Variants in PTK6 observed in about 807,000 individuals in gnomAD.
PTK6 encodes protein-tyrosine kinase 6.
A neutral mutation model predicts 47.5 loss-of-function variants in PTK6; 47 were observed. The observed-to-expected ratio is 0.99, with a 90% CI of 0.78 to 1.26. The LOEUF is 1.26. Ranked by LOEUF, PTK6 falls within the 50% of genes most tolerant of loss-of-function variation. PTK6 has a pLI of 0.00. For synonymous variants in PTK6, 287 were observed against 276.5 expected (o/e 1.04, Z -0.38); for missense variants, 618 against 625.3 (o/e 0.99, Z 0.12).
At chr20:63,537,041 G>C (rs201445395) in intron 1 of PTK6, 44 bp downstream of exon 1, 7 of 1,552,002 alleles carry the variant, frequency 4.5e-6, no homozygotes, top group Non-Finnish European at 6.1e-6. Context: ...CCTGTGCCTA[G>C]AGGGTGGCCT....
Position 63,534,318 on chromosome 20 carries a change from G to A in PTK6, c.353-3C>T, listed in dbSNP as rs942762870. On this transcript the variant is annotated splice_region_variant and splice_polypyrimidine_tract_variant and intron_variant, in intron 2 of 7. Coordinates refer to ENST00000542869, the MANE Select transcript of PTK6 (RefSeq NM_005975.4). ...CCGCACAGCCTGCGTGTCCCGCACT[G>A]GGAGGGAGAGCGTGAGCTGTGTGGC... The A allele has an allele frequency of 8.1e-6, 13 of 1,596,222 alleles. No homozygotes were observed. The Middle Eastern group carries it at 5.0e-4, about 61-fold the overall frequency.
At position 63,530,376 on chromosome 20, in the gene PTK6, G is replaced by A. The variant is rs967675284; in HGVS notation, c.1015-145C>T. ...ACCCACGCACGGCCGCTGCAGCTAA[G>A]GCCACACTGGGGCCTGACCACCTTC... is the stretch of plus-strand genomic sequence containing the variant. On this transcript the variant is annotated intron_variant, in intron 6 of 7. Coordinates refer to ENST00000542869, the MANE Select transcript of PTK6 (RefSeq NM_005975.4). The surrounding 1 kb of genome is among the most constrained non-coding windows in gnomAD (Gnocchi z 4.1). 2.2e-5 allele frequency: 24 copies of A among 1,086,156 alleles called. No homozygotes were observed. The Middle Eastern group carries it at 1.2e-3, about 53-fold the overall frequency. The allele number at this position is 1,086,156 out of a possible 1,614,324, so 67.3% of individuals were successfully genotyped here.
rs1569011663 is a variant in PTK6, at chr20:63,532,626, G to T, written c.732C>A (p.His244Gln). ...SEIQAMKKLR[H>Q]KHILALYAVV... ...CGGCGTACAGCGCCAGGATGTGTTT[G>T]TGCCGCAGCTTCTTCATGGCCTGGA... The change falls in exon 5 of 8, where the codon CAC (histidine) becomes CAA (glutamine). Residue 244 changes from histidine to glutamine, a missense_variant. Transcript: ENST00000542869. 3 of 1,614,012 alleles carry T rather than the reference G, an allele frequency of 1.9e-6. No homozygotes were observed. Among genetic ancestry groups the T allele is most frequent in the South Asian group, 1.1e-5 (1 of 91,096 alleles).
intron 5 of PTK6, among the ~76,000 whole-genome samples, chr20:63,531,456 AT>A (rs1392591738): frequency 0.01 from 1,292 of 125,300 alleles, 130 homozygotes; most frequent in African/African-American, 0.035. Context: ...ATATATATAT[AT>A]ATATATAATT....
At chr20:63,536,294 C>G (rs1484204570) in intron 1 of PTK6, among the ~76,000 whole-genome samples, 1 of 143,178 alleles carries the variant, frequency 7.0e-6, no homozygotes, top group Non-Finnish European at 1.5e-5. Context: ...CACCCCTGCT[C>G]ACTAACGAGG....
intron 1 of PTK6, among the ~76,000 whole-genome samples, chr20:63,536,469 C>G (rs903173458): frequency 1.3e-5 from 2 of 150,982 alleles, no homozygotes; most frequent in African/African-American, 2.4e-5. Context: ...CGCACACACA[C>G]AGTGGGTGCC....
At position 63,529,986 on chromosome 20, in the gene PTK6, G is replaced by T. The variant is rs752090830; in HGVS notation, c.1168+92C>A. ...TGGCCCGCGGAGGGCCCTGAAGCCC[G>T]TGGGGGAGGCACCCCCCAGCGTCCC... On this transcript the variant is annotated intron_variant, in intron 7 of 7. Transcript: ENST00000542869. This position sits in a 1 kb window ranked among gnomAD's most constrained non-coding sequence, Gnocchi z 5.6. 3 of 1,477,148 alleles carry T rather than the reference G, an allele frequency of 2.0e-6. No homozygotes were observed. Among genetic ancestry groups the T allele is most frequent in the Admixed American group, 1.8e-5 (1 of 55,140 alleles). The allele number at this position is 1,477,148 out of a possible 1,614,324, so 91.5% of individuals were successfully genotyped here.
chr20:63,532,734 G>A, intron 4 of PTK6, 47 bp from the exon 5 acceptor site: 3 of 1,595,592 alleles, frequency 1.9e-6, no homozygotes, highest in South Asian at 2.2e-5. Flanking sequence ...GACCCCCCAG[G>A]CCCCAAGGAA....
chr20:63,531,640 C>T (rs2082622585), intron 5 of PTK6, among the ~76,000 whole-genome samples: 1 of 149,726 alleles, frequency 6.7e-6, no homozygotes, highest in Middle Eastern at 3.3e-3. Flanking sequence ...AACCAAGGAG[C>T]AGTTCCTAGT....
rs753183901 is a variant in PTK6, at chr20:63,533,719, G to A, written c.517-15C>T. 35 of 1,607,566 alleles carry A rather than the reference G, an allele frequency of 2.2e-5. No individual in the cohort carries two copies. The highest frequency in any genetic ancestry group is 2.5e-5 in the Non-Finnish European group (30 of 1,177,160). On this transcript the variant is annotated splice_polypyrimidine_tract_variant and intron_variant, in intron 3 of 7. Transcript: ENST00000542869. The surrounding 1 kb of genome is among the most constrained non-coding windows in gnomAD (Gnocchi z 4.0). Reference sequence around the variant, plus strand: ...TCAGGCTCGTGCTGGAGGAAGAGTCGGGGACACAGGGCAGGGGCTCATCCT... The same window carrying A: ...TCAGGCTCGTGCTGGAGGAAGAGTCAGGGACACAGGGCAGGGGCTCATCCT...
At chr20:63,531,432 AAAAAAAT>A (rs1217227405) in intron 5 of PTK6, among the ~76,000 whole-genome samples, 54 of 116,820 alleles carry the variant, frequency 4.6e-4, no homozygotes, top group African/African-American at 2.4e-3. Flanking sequence ...AAAAAAAAAA[AAAAAAAT>A]ATATATATAT....
intron 1 of PTK6, among the ~76,000 whole-genome samples, chr20:63,535,504 C>T (rs867060078): frequency 2.6e-5 from 4 of 152,220 alleles, no homozygotes; most frequent in African/African-American, 7.2e-5. Context: ...CACGCTCACA[C>T]GCACGCACAC....
intron 1 of PTK6, 151 bp from the exon 2 acceptor site, chr20:63,535,210 C>T (rs1474746940): frequency 3.3e-6 from 4 of 1,211,274 alleles, no homozygotes; most frequent in Admixed American, 2.9e-5. Context: ...GGAGCTGTCG[C>T]TGACCCAGAC....
Position 63,530,785 on chromosome 20 carries a change from G to C in PTK6, c.975C>G (p.Leu325=). The C allele has an allele frequency of 6.2e-7, 1 of 1,614,076 alleles. No individual in the cohort carries two copies. Among genetic ancestry groups the C allele is most frequent in the Non-Finnish European group, 8.5e-7 (1 of 1,179,980 alleles). ...ARNILVGENT[L]CKVGDFGLAR... ...CTAACCCGAAGTCCCCAACTTTGCAGAGGGTGTTTTCCCCGACGAGGATGT... is the reference window on the plus strand; with the variant it reads ...CTAACCCGAAGTCCCCAACTTTGCACAGGGTGTTTTCCCCGACGAGGATGT... The change falls in exon 6 of 8, where the codon CTC becomes CTG. Residue 325 remains leucine, a synonymous_variant. Transcript: ENST00000542869. The surrounding 1 kb of genome is among the most constrained non-coding windows in gnomAD (Gnocchi z 4.1).
intron 1 of PTK6, among the ~76,000 whole-genome samples, 191 bp from the exon 2 acceptor site, chr20:63,535,250 G>A (rs567530043): frequency 6.6e-6 from 1 of 152,208 alleles, no homozygotes; most frequent in African/African-American, 2.4e-5. Context: ...GCCAGGACAG[G>A]CCCCTGAGGA....
chr20:63,532,369 CTCTGTGTG>C (rs931969243), intron 5 of PTK6, among the ~76,000 whole-genome samples, 149 bp downstream of exon 5: 4 of 125,620 alleles, frequency 3.2e-5, no homozygotes, highest in Non-Finnish European at 6.2e-5. Context: ...GCGTGTGTGT[CTCTGTGTG>C]TCTGTGTCTG....
chr20:63,533,747 A>G lies in PTK6; in HGVS notation c.517-43T>C, dbSNP rs2082643304. ...GACACAGGGCAGGGGCTCATCCTTC[A>G]GGAAGTGCCAGTCTGAAGCCAGCAC... On this transcript the variant is annotated intron_variant, in intron 3 of 7. Coordinates refer to ENST00000542869, the MANE Select transcript of PTK6 (RefSeq NM_005975.4). The surrounding 1 kb of genome is among the most constrained non-coding windows in gnomAD (Gnocchi z 4.0). 3.8e-6 allele frequency: 6 copies of G among 1,576,482 alleles called. No individual in the cohort carries two copies. In the South Asian group the frequency reaches 5.7e-5, roughly 15 times the overall value.
chr20:63,531,878 G>A (rs748296685), intron 5 of PTK6, among the ~76,000 whole-genome samples: 1 of 152,242 alleles, frequency 6.6e-6, no homozygotes, highest in African/African-American at 2.4e-5. Context: ...AGCCCTTTGT[G>A]TGAGGGCGAG....
At position 63,530,377 on chromosome 20, in the gene PTK6, G is replaced by A; in HGVS notation, c.1015-146C>T. 4 of 1,085,784 alleles carry A rather than the reference G, an allele frequency of 3.7e-6. No homozygotes were observed. The highest frequency in any genetic ancestry group is 1.5e-5 in the South Asian group (1 of 65,366). 67.3% of individuals were successfully genotyped at this position (1,085,784 alleles called of 1,614,324 possible). ...CCCACGCACGGCCGCTGCAGCTAAG[G>A]CCACACTGGGGCCTGACCACCTTCA... On this transcript the variant is annotated intron_variant, in intron 6 of 7. Transcript: ENST00000542869. The surrounding 1 kb of genome is among the most constrained non-coding windows in gnomAD (Gnocchi z 4.1).
Sources: gnomAD v4.1 joint callset for allele counts (sites outside exome capture counted in the v4.1 genomes callset) on GRCh38, gnomAD v4.1.1 for gene constraint, Gnocchi (gnomAD v3.1) non-coding constraint, MANE v1.5 for transcripts, NCBI Gene and HGNC (gene_info 2026-07-23, HGNC 2026-07-21) for gene names.